Variants in CNOT8 observed in about 807,000 individuals in gnomAD.
CNOT8 encodes CAF1-like protein.
Under a neutral mutation model 34.6 loss-of-function variants are expected in CNOT8, and 18 were observed. The observed-to-expected ratio is 0.52, with a 90% CI of 0.36 to 0.77. The LOEUF is 0.77. CNOT8 is among the 30% of genes least tolerant of loss of function. The probability of loss-of-function intolerance (pLI) is 0.00; values close to 1 mark genes in which losing one functional copy is unlikely to be tolerated. For synonymous variants in CNOT8, 101 were observed against 118.8 expected (o/e 0.85, Z 0.98); for missense variants, 189 against 347.9 (o/e 0.54, Z 3.63).
intron 1 of CNOT8, among the ~76,000 whole-genome samples, chr5:154,860,261 A>C (rs983283765): frequency 6.6e-6 from 1 of 152,092 alleles, no homozygotes; most frequent in African/African-American, 2.4e-5. Context: ...ATGTGCTTAC[A>C]AAGTGGAAAG....
At chr5:154,866,185 A>T (rs1290592259) in intron 3 of CNOT8, among the ~76,000 whole-genome samples, 1 of 152,148 alleles carries the variant, frequency 6.6e-6, no homozygotes, top group Non-Finnish European at 1.5e-5. Flanking sequence ...CTGTCAATAC[A>T]GGGTCTCGCT....
intron 3 of CNOT8, among the ~76,000 whole-genome samples, chr5:154,867,481 A>G (rs1290102906): frequency 6.6e-6 from 1 of 152,192 alleles, no homozygotes; most frequent in Non-Finnish European, 1.5e-5. Flanking sequence ...ATTAAGAGAA[A>G]CTACAAGTAG....
At chr5:154,869,544 A>G (rs1762259322) in intron 3 of CNOT8, among the ~76,000 whole-genome samples, 1 of 150,658 alleles carries the variant, frequency 6.6e-6, no homozygotes, top group South Asian at 2.1e-4. Context: ...TCCTGGGTTC[A>G]AGTGATTCTC....
chr5:154,863,236 G>C lies in CNOT8; in HGVS notation c.-43G>C. The C allele has an allele frequency of 7.1e-7, 1 of 1,418,036 alleles. No homozygotes were observed. The highest frequency in any genetic ancestry group is 1.0e-6 in the Non-Finnish European group (1 of 1,001,108). 87.8% of individuals were successfully genotyped at this position (1,418,036 alleles called of 1,614,324 possible). ...GACCAAACATTGTCTGGCTTGCACTGTAAAACTAGTTAGCTGAAGACGACT... is the reference window on the plus strand; with the variant it reads ...GACCAAACATTGTCTGGCTTGCACTCTAAAACTAGTTAGCTGAAGACGACT... On this transcript the variant is annotated 5_prime_UTR_variant, in exon 2 of 7. Transcript: ENST00000285896.
At chr5:154,873,659 C>T (rs532905086) in intron 6 of CNOT8, among the ~76,000 whole-genome samples, 46 of 152,164 alleles carry the variant, frequency 3.0e-4, no homozygotes, top group African/African-American at 1.0e-3. Context: ...TTTTGAGGAC[C>T]GGATCAGATT....
rs571157043 is a variant in CNOT8 at position 154,869,852 on chromosome 5, T to C, written c.312-809T>C. 5.3e-5 allele frequency among the ~76,000 whole-genome samples: 8 copies of C among 152,104 alleles called. No individual in the cohort carries two copies. In the South Asian group the frequency reaches 1.7e-3, roughly 32 times the overall value. On this transcript the variant is annotated intron_variant, in intron 3 of 6. Transcript: ENST00000285896. ...GTTGGCCAGGATGGTCTTGATCTCT[T>C]GACCTCGTGATCCGCCCACCTTGGC...
At chr5:154,870,602 G>A in intron 3 of CNOT8, 59 bp from the exon 4 acceptor site, 7 of 1,348,584 alleles carry the variant, frequency 5.2e-6, no homozygotes, top group Non-Finnish European at 7.3e-6. Context: ...TGGTAATAGT[G>A]TGGCCACTAC....
rs1281305382 is a variant in CNOT8 at position 154,871,792 on chromosome 5, A to G, written c.536A>G (p.His179Arg). The G allele has an allele frequency of 4.3e-6, 7 of 1,613,818 alleles. No homozygotes were observed. The Admixed American group carries it at 1.0e-4, about 23-fold the overall frequency. ...LTDSRLPEEEHEFFHILNLFF... is the reference protein window; with the variant it reads ...LTDSRLPEEEREFFHILNLFF... ...GATTCTCGTTTGCCAGAAGAGGAAC[A>G]TGAATTCTTTCATATTCTGAACCTT... The change falls in exon 5 of 7, where the codon CAT becomes CGT. Residue 179 changes from histidine to arginine, a missense_variant. This residue lies in a region of CNOT8 where 160 missense variants were observed against 321.9 expected (regional missense o/e 0.50). Transcript: ENST00000285896.
intron 3 of CNOT8, among the ~76,000 whole-genome samples, chr5:154,869,914 C>A (rs373017408): frequency 1.3e-5 from 2 of 152,114 alleles, no homozygotes; most frequent in Non-Finnish European, 2.9e-5. Context: ...TGAGCCACCA[C>A]GCCTGGCCTA....
chr5:154,861,866 C>T (rs561006377), intron 1 of CNOT8, among the ~76,000 whole-genome samples: 1 of 152,074 alleles, frequency 6.6e-6, no homozygotes, highest in South Asian at 2.1e-4. Flanking sequence ...AGCCAGCCAA[C>T]GTTTTGTATT....
intron 1 of CNOT8, chr5:154,860,004 G>C (rs1761169714): frequency 6.6e-6 from 1 of 152,196 alleles, no homozygotes; most frequent in African/African-American, 2.4e-5. Context: ...AAATTCCTAG[G>C]AAGGTGCAAC....
At chr5:154,871,122 A>C (rs919012484) in intron 4 of CNOT8, among the ~76,000 whole-genome samples, 2 of 152,000 alleles carry the variant, frequency 1.3e-5, no homozygotes, top group African/African-American at 4.8e-5. Context: ...GCTGTCTCGG[A>C]GTTTCTTAGG....
At chr5:154,869,117 T>C (rs1011930842) in intron 3 of CNOT8, among the ~76,000 whole-genome samples, 6 of 151,932 alleles carry the variant, frequency 3.9e-5, no homozygotes, top group Non-Finnish European at 7.4e-5. Context: ...TATTTTTTTG[T>C]TGGTTTATTT....
intron 6 of CNOT8, 150 bp from the exon 7 acceptor site, chr5:154,875,140 C>T (rs1187744314): frequency 2.6e-6 from 2 of 783,558 alleles, no homozygotes; most frequent in African/African-American, 1.8e-5. Flanking sequence ...TGGTCTCGAC[C>T]TCCTGACCCC....
intron 6 of CNOT8, among the ~76,000 whole-genome samples, chr5:154,875,077 C>T (rs542763519): frequency 1.4e-4 from 22 of 151,806 alleles, no homozygotes; most frequent in African/African-American, 4.6e-4. Context: ...CCACCATGCC[C>T]GGCTCATTTT....
rs1356961534 is a variant in CNOT8, at chr5:154,876,712, T to C, written c.*1273T>C. ...AATGATTAGAAAATGTCAAGTATTA[T>C]AAGCTGGTATTTAAGATGCTTGTAA... On this transcript the variant is annotated 3_prime_UTR_variant, in exon 7 of 7. Coordinates refer to ENST00000285896, the MANE Select transcript of CNOT8 (RefSeq NM_001301073.2). 6.5e-6 allele frequency: 1 copy of C among 152,700 alleles called. No homozygotes were observed. Among genetic ancestry groups the C allele is most frequent in the Non-Finnish European group, 1.5e-5 (1 of 68,052 alleles). The allele number at this position is 152,700 out of a possible 1,614,324, so 9.5% of individuals were successfully genotyped here.
intron 3 of CNOT8, 60 bp from the exon 4 acceptor site, chr5:154,870,601 T>A: frequency 7.5e-7 from 1 of 1,327,800 alleles, no homozygotes; most frequent in Middle Eastern, 1.9e-4. Flanking sequence ...GTGGTAATAG[T>A]GTGGCCACTA....
chr5:154,863,461 C>G (rs1199457548), intron 2 of CNOT8, 66 bp downstream of exon 2: 1 of 1,182,584 alleles, frequency 8.5e-7, no homozygotes, highest in Non-Finnish European at 1.3e-6. Context: ...CTCTGTTGCC[C>G]AGGCTGGAGT....
In CNOT8 at chr5:154,865,234, T is replaced by A. The variant is rs1404703494; in HGVS notation, c.160T>A (p.Phe54Ile). The A allele has an allele frequency of 6.2e-7, 1 of 1,605,568 alleles. No individual in the cohort carries two copies. Among genetic ancestry groups the A allele is most frequent in the Admixed American group, 1.7e-5 (1 of 57,318 alleles). The change falls in exon 3 of 7, where the codon TTT (phenylalanine) becomes ATT (isoleucine). Residue 54 changes from phenylalanine to isoleucine, a missense_variant. Transcript: ENST00000285896. Reference protein sequence around the residue: ...PGVVVRPIGEFRSSIDYQYQL... With the variant: ...PGVVVRPIGEIRSSIDYQYQL... ...TGTTGTGGTGCGACCAATTGGTGAA[T>A]TTCGTAGTTCCATAGATTACCAATA... is the stretch of plus-strand genomic sequence containing the variant.
Sources: gnomAD v4.1 joint callset for allele counts (sites outside exome capture counted in the v4.1 genomes callset) on GRCh38, gnomAD v4.1.1 for gene constraint, gnomAD v4.1.1 regional missense constraint, MANE v1.5 for transcripts, NCBI Gene and HGNC (gene_info 2026-07-23, HGNC 2026-07-21) for gene names.